The following BICRA variants were observed in gnomAD, a reference collection of about 807,000 sequenced individuals.
BICRA encodes BRD4 interacting chromatin remodeling complex associated protein.
A neutral mutation model predicts 96.9 loss-of-function variants in BICRA; 31 were observed. The observed-to-expected ratio is 0.32, with a 90% CI of 0.24 to 0.43. The LOEUF (loss-of-function observed/expected upper bound fraction) is 0.43, where lower values mean the gene tolerates loss of function less well. Among genes scored for constraint, BICRA ranks in the 20% least tolerant of loss-of-function variants. The pLI is 1.00. For missense variants in BICRA, 2,283 were observed against 2,190.3 expected (o/e 1.04, Z -0.84); for synonymous variants, 1,350 against 1,071.8 (o/e 1.26, Z -5.07).
At position 47,679,680 on chromosome 19, in the gene BICRA, G is replaced by T. The variant is rs1321322606; in HGVS notation, c.510G>T (p.Gln170His). ...FPGSTDLLGLQGPPTVLTHQA... is the reference protein window; with the variant it reads ...FPGSTDLLGLHGPPTVLTHQA... ...GCAGCACCGACCTGCTGGGGCTGCA[G>T]GGCCCGCCTACCGTGCTGACCCACC... is the stretch of plus-strand genomic sequence containing the variant. Residue 170 changes from glutamine to histidine, a missense_variant, in exon 6 of 15, where the codon CAG (glutamine) becomes CAT (histidine). By Grantham distance (24) the Gln-to-His change is conservative. Transcript: ENST00000594866. 1.3e-6 allele frequency: 2 copies of T among 1,521,970 alleles called. No homozygotes were observed. Among genetic ancestry groups the T allele is most frequent in the Admixed American group, 2.1e-5 (1 of 47,232 alleles). The allele number at this position is 1,521,970 out of a possible 1,614,324, so 94.3% of individuals were successfully genotyped here. A position where few individuals can be genotyped will look rare whatever the true frequency, so the allele number is the denominator to read the frequency against.
At chr19:47,686,641 C>T (rs561752070) in intron 7 of BICRA, among the ~76,000 whole-genome samples, 1 of 152,330 alleles carries the variant, frequency 6.6e-6, no homozygotes, top group African/African-American at 2.4e-5. Flanking sequence ...ACCTTGGCCT[C>T]CCAAAGTGCT....
Position 47,698,585 on chromosome 19 carries a change from G to GGCCC in BICRA, c.3249-49_3249-48insGCCC. 2 of 549,050 alleles carry GGCCC rather than the reference G, an allele frequency of 3.6e-6. No individual in the cohort carries two copies. The highest frequency in any genetic ancestry group is 1.6e-5 in the South Asian group (1 of 61,250). The allele number at this position is 549,050 out of a possible 1,614,324, so 34.0% of individuals were successfully genotyped here. On this transcript the variant is annotated intron_variant, in intron 11 of 14. Transcript: ENST00000594866. The surrounding 1 kb of genome is among the most constrained non-coding windows in gnomAD (Gnocchi z 4.8). ...CAGGGACTTCCCCTGGCCCTCACCC[G>GGCCC]TCCCCCCCACCCTCCGCCGTGTGTG...
chr19:47,654,790 G>GAA (rs58825818), intron 1 of BICRA, among the ~76,000 whole-genome samples: 2 of 144,046 alleles, frequency 1.4e-5, no homozygotes, highest in Non-Finnish European at 3.0e-5. Context: ...CCATCTCTAT[G>GAA]AAAAAAAAAA....
intron 7 of BICRA, among the ~76,000 whole-genome samples, chr19:47,689,078 T>C (rs2974188): frequency 0.77 from 117,258 of 151,866 alleles, 45,597 homozygotes; most frequent in East Asian, 0.96. Flanking sequence ...CCACCCGCCT[T>C]GGCATCCCAA....
intron 1 of BICRA, among the ~76,000 whole-genome samples, chr19:47,668,161 CAG>C (rs1236995622): frequency 2.6e-5 from 4 of 152,272 alleles, no homozygotes; most frequent in African/African-American, 9.6e-5. Context: ...ACCTGGGAAG[CAG>C]AGGTTGCAGT....
At chr19:47,671,383 C>T (rs535676784) in intron 2 of BICRA, among the ~76,000 whole-genome samples, 3 of 152,208 alleles carry the variant, frequency 2.0e-5, no homozygotes, top group East Asian at 1.9e-4. Context: ...GTTGTCACAT[C>T]GTCAGTGAGG....
rs1972989796 is a variant in BICRA, at chr19:47,679,322, T to A, written c.152T>A (p.Leu51His). ...CTTCCCACCTTTCCCGGCCTGCAGC[T>A]CCATGTGCAAGAAGCTTCCGGCAAC... Reference protein sequence around the residue: ...AQSAFYEGPGLHVQEASGNHL... With the variant: ...AQSAFYEGPGHHVQEASGNHL... Residue 51 changes from leucine (L) to histidine (H), a missense_variant and splice_region_variant, in exon 6 of 15, where the codon CTC becomes CAC. Coordinates refer to ENST00000594866, the MANE Select transcript of BICRA (RefSeq NM_001394372.1). 7.0e-7 allele frequency: 1 copy of A among 1,422,888 alleles called. No individual in the cohort carries two copies. 88.1% of individuals were successfully genotyped at this position (1,422,888 alleles called of 1,614,324 possible).
chr19:47,675,972 A>T lies in BICRA; in HGVS notation c.150+56A>T. 8.1e-7 allele frequency: 1 copy of T among 1,235,008 alleles called. No individual in the cohort carries two copies. Among genetic ancestry groups the T allele is most frequent in the Non-Finnish European group, 1.1e-6 (1 of 874,592 alleles). The allele number at this position is 1,235,008 out of a possible 1,614,324, so 76.5% of individuals were successfully genotyped here. ...AGCTGTTGGGGCTGCCAGCGGGAGG[A>T]GGGCCCTGAAGCCAAGAGGGGAGGC... On this transcript the variant is annotated intron_variant, in intron 5 of 14. Coordinates refer to ENST00000594866, the MANE Select transcript of BICRA (RefSeq NM_001394372.1). The surrounding 1 kb of genome is among the most constrained non-coding windows in gnomAD (Gnocchi z 4.7).
Position 47,680,164 on chromosome 19 carries a change from G to C in BICRA, c.994G>C (p.Gly332Arg), listed in dbSNP as rs1009386596. ...GQPLAVAPGL[G>R]SSPLVPAPNV... Reference sequence around the variant, plus strand: ...GCCGCTGGCGGTGGCCCCAGGCCTCGGCTCGTCGCCACTGGTCCCGGCGCC... The same window carrying C: ...GCCGCTGGCGGTGGCCCCAGGCCTCCGCTCGTCGCCACTGGTCCCGGCGCC... The change falls in exon 6 of 15, where the codon GGC (glycine) becomes CGC (arginine). Residue 332 changes from glycine (G) to arginine (R), a missense_variant. Transcript: ENST00000594866. The C allele has an allele frequency of 3.3e-6, 5 of 1,533,026 alleles. No homozygotes were observed. Among genetic ancestry groups the C allele is most frequent in the Non-Finnish European group, 4.4e-6 (5 of 1,148,812 alleles). 95.0% of individuals were successfully genotyped at this position (1,533,026 alleles called of 1,614,324 possible).
At chr19:47,656,647 T>C (rs907306755) in intron 1 of BICRA, among the ~76,000 whole-genome samples, 1 of 152,202 alleles carries the variant, frequency 6.6e-6, no homozygotes, top group African/African-American at 2.4e-5. Context: ...TTCTAATTTA[T>C]GTGCAGTAAA....
intron 1 of BICRA, among the ~76,000 whole-genome samples, chr19:47,628,292 G>A (rs940078300): frequency 2.0e-5 from 3 of 152,030 alleles, no homozygotes; most frequent in Non-Finnish European, 4.4e-5. Context: ...CTGTTACCAC[G>A]TGAGTTCTGA....
At chr19:47,631,657 A>G (rs116937334) in intron 1 of BICRA, among the ~76,000 whole-genome samples, 2 of 151,728 alleles carry the variant, frequency 1.3e-5, no homozygotes, top group Admixed American at 6.6e-5. Flanking sequence ...GAGCCACCGC[A>G]CTCGGCCGAT....
Position 47,644,011 on chromosome 19 carries a change from A to G in BICRA, c.-107-26432A>G, listed in dbSNP as rs145638598. Reference sequence around the variant, plus strand: ...GAGAGACCTTTACCTACATTCACCAACCTTTTATTTATTTCTTTATTTTTT... The same window carrying G: ...GAGAGACCTTTACCTACATTCACCAGCCTTTTATTTATTTCTTTATTTTTT... On this transcript the variant is annotated intron_variant, in intron 1 of 14. Transcript: ENST00000594866. 6.4e-3 allele frequency among the ~76,000 whole-genome samples: 970 copies of G among 151,920 alleles called. 7 individuals are homozygous for G. The highest frequency in any genetic ancestry group is 0.022 in the African/African-American group (906 of 41,446).
chr19:47,659,968 T>C (rs111451803), intron 1 of BICRA, among the ~76,000 whole-genome samples: 363 of 152,254 alleles, frequency 2.4e-3, no homozygotes, highest in Middle Eastern at 0.014. Flanking sequence ...CCAGGCTACA[T>C]ATATATCTTC....
chr19:47,673,662 C>T, intron 3 of BICRA, 47 bp downstream of exon 3: 1 of 1,529,860 alleles, frequency 6.5e-7, no homozygotes, highest in Non-Finnish European at 9.1e-7. Context: ...CAACCCCCTC[C>T]CTTCCCTCCC....
chr19:47,616,274 T>C (rs1971982937), intron 1 of BICRA, among the ~76,000 whole-genome samples: 1 of 152,174 alleles, frequency 6.6e-6, no homozygotes, highest in Non-Finnish European at 1.5e-5. Flanking sequence ...GAGTCTCCCA[T>C]AGGATTAGAT....
intron 4 of BICRA, 34 bp downstream of exon 4, chr19:47,673,796 GT>G: frequency 6.4e-7 from 1 of 1,570,020 alleles, no homozygotes; most frequent in East Asian, 2.2e-5. Context: ...CATTCCCTGA[GT>G]GGGGGGCTGT....
At chr19:47,631,806 G>A (rs1410556302) in intron 1 of BICRA, among the ~76,000 whole-genome samples, 4 of 151,862 alleles carry the variant, frequency 2.6e-5, no homozygotes, top group African/African-American at 7.3e-5. Context: ...ACACTACCAC[G>A]CCTGGCTAAT....
intron 1 of BICRA, among the ~76,000 whole-genome samples, chr19:47,658,210 C>G (rs948068486): frequency 2.6e-5 from 4 of 152,090 alleles, no homozygotes; most frequent in African/African-American, 9.7e-5. Context: ...ATGGTCTGTC[C>G]TCTGTTGACC....
Sources: allele counts gnomAD v4.1 joint callset (sites outside exome capture counted in the v4.1 genomes callset), GRCh38; gene constraint gnomAD v4.1.1; non-coding constraint Gnocchi (gnomAD v3.1); transcripts MANE v1.5; gene names NCBI Gene and HGNC (gene_info 2026-07-23, HGNC 2026-07-21).